CCDC66: variants seen among roughly 807,000 people sequenced by gnomAD.
The protein encoded by CCDC66 is coiled-coil domain-containing protein 66.
In CCDC66, 133 loss-of-function variants were observed where a neutral mutation model predicts 128.3. The ratio of observed to expected loss-of-function variants is 1.04; its 90% confidence interval spans 0.90 to 1.20. The LOEUF is 1.20. Among genes scored for constraint, CCDC66 ranks in the 50% most tolerant of loss-of-function variants. The pLI, the probability that CCDC66 is intolerant of heterozygous loss-of-function variation, is 0.00. For missense variants in CCDC66, 1,126 were observed against 1,075.5 expected (o/e 1.05, Z -0.66); for synonymous variants, 387 against 357.0 (o/e 1.08, Z -0.95).
At chr3:56,588,672 A>G (rs947295756) in intron 7 of CCDC66, among the ~76,000 whole-genome samples, 3 of 152,194 alleles carry the variant, frequency 2.0e-5, no homozygotes, top group African/African-American at 7.2e-5. Context: ...TTACAATTCA[A>G]CATGAGTTTT....
At chr3:56,565,109 A>G in intron 4 of CCDC66, 2 of 414,594 alleles carry the variant, frequency 4.8e-6, no homozygotes, top group African/African-American at 2.0e-5. Flanking sequence ...TGAGCCCTCT[A>G]AAACATCTGA....
In CCDC66 at chr3:56,619,816, T is replaced by C. The variant is rs2076122282; in HGVS notation, c.2675T>C (p.Val892Ala). Reference sequence around the variant, plus strand: ...CGACAGCTATTTGATTCTGACTGTGTCAGGGATCCACTTCTTAATCCTAAC... The same window carrying C: ...CGACAGCTATTTGATTCTGACTGTGCCAGGGATCCACTTCTTAATCCTAAC... ...QKRQLFDSDC[V>A]RDPLLNPNMV... Residue 892 changes from valine (V) to alanine (A), a missense_variant, in exon 17 of 18, where the codon GTC (valine) becomes GCC (alanine). By Grantham distance (64) the Val-to-Ala change is moderately conservative. Transcript: ENST00000394672. The C allele has an allele frequency of 3.7e-6, 6 of 1,614,036 alleles. No homozygotes were observed. Among genetic ancestry groups the C allele is most frequent in the African/African-American group, 1.3e-5 (1 of 74,934 alleles).
chr3:56,611,738 G>A (rs748120796), intron 10 of CCDC66, among the ~76,000 whole-genome samples: 3 of 152,124 alleles, frequency 2.0e-5, no homozygotes, highest in Non-Finnish European at 4.4e-5. Flanking sequence ...GGGATCCCAC[G>A]AGCTCCCAGT....
At chr3:56,617,068 ATT>A (rs1385623881) in intron 13 of CCDC66, 42 bp from the exon 14 acceptor site, 4 of 1,388,902 alleles carry the variant, frequency 2.9e-6, no homozygotes, top group Non-Finnish European at 9.6e-7. Flanking sequence ...AATATTGAAA[ATT>A]TTGTTTACAA....
intron 7 of CCDC66, among the ~76,000 whole-genome samples, chr3:56,577,539 G>A (rs1335784633): frequency 6.6e-6 from 1 of 151,730 alleles, no homozygotes; most frequent in East Asian, 2.0e-4. Flanking sequence ...GGGTTTTTAT[G>A]GTTTTAGGTC....
chr3:56,618,547 T>C (rs1489995702), intron 15 of CCDC66: 5 of 245,724 alleles, frequency 2.0e-5, no homozygotes, highest in Non-Finnish European at 3.9e-5. Flanking sequence ...TGGGAAGAAA[T>C]GACTGATAAG....
rs903498635 is a variant in CCDC66, at chr3:56,617,104, T to C, written c.1844-8T>C. 1.3e-6 allele frequency: 2 copies of C among 1,508,862 alleles called. No individual in the cohort carries two copies. Among genetic ancestry groups the C allele is most frequent in the African/African-American group, 2.8e-5 (2 of 70,672 alleles). The allele number at this position is 1,508,862 out of a possible 1,614,324, so 93.5% of individuals were successfully genotyped here. A position where few individuals can be genotyped will look rare whatever the true frequency, so the allele number is the denominator to read the frequency against. On this transcript the variant is annotated splice_polypyrimidine_tract_variant and splice_region_variant and intron_variant, in intron 13 of 17. Coordinates refer to ENST00000394672, the MANE Select transcript of CCDC66 (RefSeq NM_001141947.3). ...AATTTTTAAAAATCATTTGCAACTT[T>C]TTTTTAGATGACTTAAATATAGGAA...
chr3:56,578,335 A>C (rs1304124905), intron 7 of CCDC66, among the ~76,000 whole-genome samples: 4 of 151,790 alleles, frequency 2.6e-5, no homozygotes, highest in Non-Finnish European at 5.9e-5. Flanking sequence ...TTCTAAATAT[A>C]CAATCATGTC....
rs1196007247 is a variant in CCDC66 at position 56,613,637 on chromosome 3, G to GAGGAAGAGCAAAGAAAGA, written c.1461_1478dup (p.Arg489_Gln494dup). 3 of 1,613,842 alleles carry GAGGAAGAGCAAAGAAAGA rather than the reference G, an allele frequency of 1.9e-6. No homozygotes were observed. The African/African-American group carries it at 4.0e-5, about 22-fold the overall frequency. ...AGAGAAGCGCAGGAAGAAACAACTG[G>GAGGAAGAGCAAAGAAAGA]AGGAAGAGCAAAGAAAGAAGGAAGA... On this transcript the variant is annotated inframe_insertion, in exon 11 of 18. Coordinates refer to ENST00000394672, the MANE Select transcript of CCDC66 (RefSeq NM_001141947.3).
chr3:56,615,177 CACAGGA>C lies in CCDC66; in HGVS notation c.1619_1624del (p.Gln540_Glu541del). 6.2e-7 allele frequency: 1 copy of C among 1,613,892 alleles called. No homozygotes were observed. The highest frequency in any genetic ancestry group is 1.1e-5 in the South Asian group (1 of 91,056). ...GAGCTATTCCAGACAATGCAGCGAGCACAGGAACTGGCACAGAGACTAAAACAAGAA... is the reference window on the plus strand; with the variant it reads ...GAGCTATTCCAGACAATGCAGCGAGCACTGGCACAGAGACTAAAACAAGAA... On this transcript the variant is annotated inframe_deletion, in exon 12 of 18. Transcript: ENST00000394672.
intron 1 of CCDC66, among the ~76,000 whole-genome samples, chr3:56,558,108 C>T (rs1002883411): frequency 1.3e-5 from 2 of 152,154 alleles, no homozygotes; most frequent in African/African-American, 2.4e-5. Flanking sequence ...TTGATTTCCC[C>T]TACCTGAGCA....
intron 10 of CCDC66, among the ~76,000 whole-genome samples, chr3:56,598,021 C>A (rs2072419508): frequency 6.6e-6 from 1 of 151,786 alleles, no homozygotes; most frequent in South Asian, 2.1e-4. Flanking sequence ...GGTGATCCAC[C>A]CGCCTTGGCC....
chr3:56,558,670 G>T (rs2064696942), intron 1 of CCDC66, 176 bp from the exon 2 acceptor site: 2 of 628,582 alleles, frequency 3.2e-6, no homozygotes, highest in South Asian at 3.5e-5. Flanking sequence ...CCCTGTAGTT[G>T]TGGGTTTTAT....
chr3:56,614,713 A>T (rs1284697166), intron 11 of CCDC66, among the ~76,000 whole-genome samples: 1 of 152,206 alleles, frequency 6.6e-6, no homozygotes, highest in African/African-American at 2.4e-5. Context: ...TGGTAAAGGG[A>T]CACATGGTCT....
In CCDC66 at chr3:56,566,682, A is replaced by G. The variant is rs760076568; in HGVS notation, c.633A>G (p.Ser211=). ...MGLFKKTEMV[S]SVPAENKSVL... Reference sequence around the variant, plus strand: ...TATTCAAAAAAACTGAAATGGTTTCATCTGTCCCAGCTGAAAATAAATCTG... The same window carrying G: ...TATTCAAAAAAACTGAAATGGTTTCGTCTGTCCCAGCTGAAAATAAATCTG... The change falls in exon 5 of 18, where the codon TCA becomes TCG. Residue 211 remains serine (S), a synonymous_variant. Coordinates refer to ENST00000394672, the MANE Select transcript of CCDC66 (RefSeq NM_001141947.3). 5.6e-6 allele frequency: 9 copies of G among 1,613,710 alleles called. No individual in the cohort carries two copies. The South Asian group carries it at 8.8e-5, about 16-fold the overall frequency.
chr3:56,607,127 T>C (rs2074189338), intron 10 of CCDC66, among the ~76,000 whole-genome samples: 1 of 152,020 alleles, frequency 6.6e-6, no homozygotes, highest in African/African-American at 2.4e-5. Flanking sequence ...CTATGTGGGC[T>C]CTTTTTTGGT....
At chr3:56,614,647 T>C (rs886685557) in intron 11 of CCDC66, among the ~76,000 whole-genome samples, 14 of 152,180 alleles carry the variant, frequency 9.2e-5, no homozygotes, top group Admixed American at 3.9e-4. Flanking sequence ...ACTTTAAACA[T>C]TTTCTTGCCT....
intron 7 of CCDC66, among the ~76,000 whole-genome samples, chr3:56,572,025 TG>T (rs1472239494): frequency 6.6e-6 from 1 of 152,180 alleles, no homozygotes; most frequent in Non-Finnish European, 1.5e-5. Flanking sequence ...CTGGCTCATA[TG>T]GTATTTTAAA....
chr3:56,567,065 T>G lies in CCDC66; in HGVS notation c.814+12T>G, dbSNP rs1241919359. 15 of 1,570,878 alleles carry G rather than the reference T, an allele frequency of 9.5e-6. No homozygotes were observed. Among genetic ancestry groups the G allele is most frequent in the Non-Finnish European group, 1.3e-5 (15 of 1,141,234 alleles). On this transcript the variant is annotated intron_variant, in intron 6 of 17. Transcript: ENST00000394672. The stretch of plus-strand genomic sequence containing the variant: ...GAGGAAAGAGCTAGGTAGGTAACTT[T>G]TATACCTTTATTATAGTTTTATTGG...
Sources: allele counts gnomAD v4.1 joint callset (sites outside exome capture counted in the v4.1 genomes callset), GRCh38; gene constraint gnomAD v4.1.1; transcripts MANE v1.5; gene names NCBI Gene and HGNC (gene_info 2026-07-23, HGNC 2026-07-21).